Variants in TRPM1 observed in about 807,000 individuals in gnomAD.
The protein encoded by TRPM1 is transient receptor potential cation channel subfamily M member 1.
In TRPM1, 113 loss-of-function variants were observed where a neutral mutation model predicts 149.4. The ratio of observed to expected loss-of-function variants is 0.76; its 90% CI spans 0.65 to 0.88. The LOEUF (loss-of-function observed/expected upper bound fraction) is 0.88, where lower values mean the gene tolerates loss of function less well. Ranked by LOEUF, TRPM1 falls within the 40% of genes least tolerant of loss-of-function variation. The pLI is 0.00. For synonymous variants in TRPM1, 741 were observed against 759.5 expected (o/e 0.98, Z 0.40); for missense variants, 1,976 against 2,038.7 (o/e 0.97, Z 0.59).
intron 16 of TRPM1, 172 bp from the exon 17 acceptor site, chr15:31,042,415 A>G (rs1007266515): frequency 4.2e-6 from 3 of 706,698 alleles, no homozygotes. Flanking sequence ...GCACACGTTT[A>G]TTATGATAAG....
Position 31,002,524 on chromosome 15 carries a change from G to A in TRPM1, c.4176C>T (p.Asp1392=), listed in dbSNP as rs2141099763. Residue 1392 remains aspartate, a synonymous_variant, in exon 28 of 28, where the codon GAC becomes GAT. Coordinates refer to ENST00000256552, the MANE Select transcript of TRPM1 (RefSeq NM_001252024.2). ...GGGAAATAGTTTCTTCTTTTTTAGA[G>A]TCTGTCTGTCTTTCATCATCTTCCT... is the stretch of plus-strand genomic sequence containing the variant. The part of the protein sequence containing the change: ...ISKEDDERQT[D]SKKEETISPS... The A allele has an allele frequency of 6.2e-7, 1 of 1,613,546 alleles. No homozygotes were observed. The highest frequency in any genetic ancestry group is 8.5e-7 in the Non-Finnish European group (1 of 1,179,576).
intron 22 of TRPM1, 95 bp from the exon 23 acceptor site, chr15:31,031,252 G>GTGA: frequency 7.3e-6 from 10 of 1,367,650 alleles, no homozygotes; most frequent in African/African-American, 1.4e-5. Flanking sequence ...AGCACTTCAC[G>GTGA]AGTGCTTAAT....
At chr15:31,031,414 C>T (rs2033072949) in intron 22 of TRPM1, 5 of 562,990 alleles carry the variant, frequency 8.9e-6, no homozygotes, top group South Asian at 6.8e-5. Flanking sequence ...TGTTGTTGCC[C>T]ATAAACACAT....
chr15:31,075,279 C>T (rs2034659999), intron 3 of TRPM1, among the ~76,000 whole-genome samples: 1 of 152,178 alleles, frequency 6.6e-6, no homozygotes, highest in Non-Finnish European at 1.5e-5. Context: ...GTATTGAAGT[C>T]TCCAACTGTC....
chr15:31,161,131 G>C (rs889265562), exon 1 of TRPM1: 6 of 643,568 alleles, frequency 9.3e-6, no homozygotes, highest in Non-Finnish European at 1.6e-5. Context: ...CTGGGGCGAG[G>C]CCGGCCGGAG....
intron 1 of TRPM1, among the ~76,000 whole-genome samples, chr15:31,136,723 T>A (rs1315010384): frequency 6.6e-6 from 1 of 151,148 alleles, no homozygotes; most frequent in Non-Finnish European, 1.5e-5. Context: ...TGCTGTTTGT[T>A]TCTGCTTTCC....
At chr15:31,108,718 T>C (rs763389536) in intron 1 of TRPM1, among the ~76,000 whole-genome samples, 4 of 152,230 alleles carry the variant, frequency 2.6e-5, no homozygotes, top group Non-Finnish European at 5.9e-5. Flanking sequence ...GGTCTCGAAC[T>C]CCCGACCTCA....
At chr15:31,050,725 T>C (rs996418732) in intron 11 of TRPM1, 143 bp from the exon 12 acceptor site, 7 of 858,918 alleles carry the variant, frequency 8.1e-6, no homozygotes, top group Non-Finnish European at 9.6e-6. Context: ...ACCCACACAG[T>C]GCACACATAT....
chr15:31,042,161 G>T lies in TRPM1; in HGVS notation c.1877C>A (p.Ala626Asp). The part of the protein sequence containing the change: ...EEIDIDVDDP[A>D]VSRFQYPFHE... ...GAAGGGATACTGGAACCGACTCACGGCAGGGTCGTCCACATCAATGTCGAT... is the reference window on the plus strand; with the variant it reads ...GAAGGGATACTGGAACCGACTCACGTCAGGGTCGTCCACATCAATGTCGAT... The change falls in exon 17 of 28, where the codon GCC becomes GAC. Residue 626 changes from alanine (A) to aspartate (D), a missense_variant. Physicochemically the swap from Ala to Asp is moderately radical, Grantham distance 126. This residue lies in a region of TRPM1 where 1,332 missense variants were observed against 1,347.1 expected (regional missense o/e 0.99). Coordinates refer to ENST00000256552, the MANE Select transcript of TRPM1 (RefSeq NM_001252024.2). 1 of 1,614,106 alleles carries T rather than the reference G, an allele frequency of 6.2e-7. No individual in the cohort carries two copies. The highest frequency in any genetic ancestry group is 1.1e-5 in the South Asian group (1 of 91,058).
chr15:31,130,974 G>A (rs932692635), intron 1 of TRPM1, among the ~76,000 whole-genome samples: 10 of 152,332 alleles, frequency 6.6e-5, no homozygotes, highest in Admixed American at 5.2e-4. Context: ...CAGAGGGCAA[G>A]GAGAATCCGT....
At chr15:31,055,701 G>C (rs1300972249) in intron 11 of TRPM1, among the ~76,000 whole-genome samples, 2 of 152,182 alleles carry the variant, frequency 1.3e-5, no homozygotes, top group Non-Finnish European at 2.9e-5. Flanking sequence ...AGCAAAGCAG[G>C]AGGTTCAGGC....
upstream of TRPM1, among the ~76,000 whole-genome samples, chr15:31,105,365 C>G (rs2035588007): frequency 6.6e-6 from 1 of 152,086 alleles, no homozygotes; most frequent in African/African-American, 2.4e-5. Flanking sequence ...TATTCAGAAA[C>G]TAGGATCTGC....
chr15:31,132,659 A>G (rs1229899784), intron 1 of TRPM1, among the ~76,000 whole-genome samples: 1 of 152,194 alleles, frequency 6.6e-6, no homozygotes, highest in Non-Finnish European at 1.5e-5. Context: ...AGTTCCCGAC[A>G]GGGCGCCAGT....
chr15:31,069,708 T>C (rs1596036692), intron 4 of TRPM1: 1 of 1,424,702 alleles, frequency 7.0e-7, no homozygotes, highest in Non-Finnish European at 9.1e-7. Context: ...TCCACAGTTA[T>C]TAGAAAAATG....
At chr15:31,051,936 G>T (rs560216597) in intron 11 of TRPM1, among the ~76,000 whole-genome samples, 9 of 152,298 alleles carry the variant, frequency 5.9e-5, no homozygotes, top group African/African-American at 2.2e-4. Flanking sequence ...GAGAACTGGG[G>T]AGCATTGTGA....
chr15:31,069,674 C>G, intron 4 of TRPM1: 4 of 1,397,980 alleles, frequency 2.9e-6, no homozygotes, highest in Non-Finnish European at 3.7e-6. Context: ...CAAAGACTCT[C>G]AACACATCTA....
chr15:31,050,674 C>T, intron 11 of TRPM1, 92 bp from the exon 12 acceptor site: 9 of 1,285,656 alleles, frequency 7.0e-6, no homozygotes, highest in African/African-American at 1.4e-5. Flanking sequence ...TCTGTATGTG[C>T]ACACATGCAC....
chr15:31,075,032 G>C (rs891425255), intron 3 of TRPM1, among the ~76,000 whole-genome samples: 8 of 152,106 alleles, frequency 5.3e-5, no homozygotes, highest in Non-Finnish European at 7.4e-5. Context: ...ATTGTGGTTG[G>C]AGGACAGTTT....
intron 1 of TRPM1, among the ~76,000 whole-genome samples, chr15:31,140,341 T>G (rs750095874): frequency 1.3e-5 from 2 of 151,720 alleles, no homozygotes; most frequent in Non-Finnish European, 2.9e-5. Context: ...ATCGTGCCAC[T>G]GCACTGCAGC....
Sources: gnomAD v4.1 joint callset for allele counts (sites outside exome capture counted in the v4.1 genomes callset) on GRCh38, gnomAD v4.1.1 for gene constraint, gnomAD v4.1.1 regional missense constraint, MANE v1.5 for transcripts, NCBI Gene and HGNC (gene_info 2026-07-23, HGNC 2026-07-21) for gene names.